Variants in GRM8 observed in about 807,000 individuals in gnomAD.
GRM8 encodes the protein glutamate metabotropic receptor 8.
Under a neutral mutation model 87.2 loss-of-function variants are expected in GRM8, and 47 were observed. The observed-to-expected ratio is 0.54, with a 90% CI of 0.43 to 0.69. The LOEUF is 0.69. GRM8 is among the 30% of genes least tolerant of loss of function. The pLI, the probability that GRM8 is intolerant of heterozygous loss-of-function variation, is 0.00. For missense variants in GRM8, 1,019 were observed against 1,139.2 expected (o/e 0.89, Z 1.52); for synonymous variants, 396 against 404.5 (o/e 0.98, Z 0.25).
intron 7 of GRM8, among the ~76,000 whole-genome samples, chr7:126,690,278 G>C (rs919026683): frequency 6.6e-6 from 1 of 152,246 alleles, no homozygotes; most frequent in African/African-American, 2.4e-5. Context: ...CAAGGGCAAG[G>C]CAGGCACGGA....
chr7:126,775,046 G>A (rs1819261935), intron 6 of GRM8, among the ~76,000 whole-genome samples: 1 of 152,030 alleles, frequency 6.6e-6, no homozygotes. Flanking sequence ...CATCCAATTG[G>A]TTGCCTTTTT....
intron 3 of GRM8, among the ~76,000 whole-genome samples, chr7:126,922,025 A>G (rs957105780): frequency 6.6e-6 from 1 of 152,078 alleles, no homozygotes; most frequent in African/African-American, 2.4e-5. Context: ...CTCCAGAAGA[A>G]TCTCCAAGAA....
intron 2 of GRM8, among the ~76,000 whole-genome samples, chr7:127,227,920 A>G (rs900540356): frequency 6.6e-6 from 1 of 152,244 alleles, no homozygotes; most frequent in South Asian, 2.1e-4. Context: ...CCCATCTGCC[A>G]TTCTAGCCAG....
intron 6 of GRM8, among the ~76,000 whole-genome samples, chr7:126,849,255 CTG>C (rs1796983728): frequency 6.6e-6 from 1 of 152,084 alleles, no homozygotes; most frequent in Non-Finnish European, 1.5e-5. Flanking sequence ...TTTTACTGGA[CTG>C]TTGGTCTAGT....
Position 127,087,609 on chromosome 7 carries a change from T to C in GRM8, c.727+18887A>G, listed in dbSNP as rs547734941. Among the ~76,000 whole-genome samples, 84 of 151,868 alleles carry C rather than the reference T, an allele frequency of 5.5e-4. 1 individual carries two copies. In the Middle Eastern group the frequency reaches 0.014, roughly 25 times the overall value. ...GCCAGGAACTATGGGAAGAGAAAAA[T>C]GGGGAGTTATTTAATCAATGGGCAA... On this transcript the variant is annotated intron_variant, in intron 3 of 10. Coordinates refer to ENST00000339582, the MANE Select transcript of GRM8 (RefSeq NM_000845.3).
intron 3 of GRM8, among the ~76,000 whole-genome samples, chr7:127,070,037 T>C (rs1223640888): frequency 6.6e-6 from 1 of 152,242 alleles, no homozygotes; most frequent in Non-Finnish European, 1.5e-5. Flanking sequence ...TCATCACGAT[T>C]TATTACCAAT....
At chr7:127,100,652 G>A (rs1210401680) in intron 3 of GRM8, among the ~76,000 whole-genome samples, 2 of 152,192 alleles carry the variant, frequency 1.3e-5, no homozygotes, top group Non-Finnish European at 2.9e-5. Flanking sequence ...AGGCAAGAAT[G>A]CTTGTGCAGG....
intron 7 of GRM8, among the ~76,000 whole-genome samples, chr7:126,753,915 A>C (rs1246084629): frequency 6.6e-6 from 1 of 151,884 alleles, no homozygotes; most frequent in Non-Finnish European, 1.5e-5. Context: ...TGTATTTGTG[A>C]TATCATTGCC....
At chr7:126,828,649 C>A (rs1795055741) in intron 6 of GRM8, among the ~76,000 whole-genome samples, 1 of 152,020 alleles carries the variant, frequency 6.6e-6, no homozygotes, top group Admixed American at 6.5e-5. Context: ...TTGATCCTTT[C>A]AAAAAACCAG....
intron 3 of GRM8, among the ~76,000 whole-genome samples, chr7:127,030,369 G>A (rs1315932990): frequency 6.6e-6 from 1 of 152,066 alleles, no homozygotes; most frequent in Admixed American, 6.6e-5. Flanking sequence ...TTCTTACCCA[G>A]TGCCTCTCAA....
At chr7:126,892,561 A>G in intron 6 of GRM8, among the ~76,000 whole-genome samples, 1 of 152,060 alleles carries the variant, frequency 6.6e-6, no homozygotes, top group Non-Finnish European at 1.5e-5. Context: ...GTTGGTTCCA[A>G]GTCTTTGCTA....
intron 7 of GRM8, among the ~76,000 whole-genome samples, chr7:126,752,242 A>G (rs1816506282): frequency 6.6e-6 from 1 of 152,110 alleles, no homozygotes. Context: ...GCAGTAGTGC[A>G]CTATAGTATG....
intron 9 of GRM8, among the ~76,000 whole-genome samples, chr7:126,532,746 G>A (rs1489106171): frequency 7.2e-6 from 1 of 139,424 alleles, no homozygotes; most frequent in Non-Finnish European, 1.5e-5. Flanking sequence ...TCAAAGCAAT[G>A]TGACCTTGAC....
intron 6 of GRM8, among the ~76,000 whole-genome samples, chr7:126,896,543 A>G (rs1801558245): frequency 6.6e-6 from 1 of 152,062 alleles, no homozygotes; most frequent in African/African-American, 2.4e-5. Context: ...GGGAGAGCTT[A>G]TACCTTTCAT....
intron 8 of GRM8, among the ~76,000 whole-genome samples, chr7:126,600,927 AG>A (rs1243649297): frequency 1.8e-5 from 2 of 114,220 alleles, no homozygotes; most frequent in Non-Finnish European, 4.1e-5. Flanking sequence ...TAAGAACTAG[AG>A]TGGCATTTTT....
At chr7:126,620,850 C>G (rs1385858209) in intron 7 of GRM8, among the ~76,000 whole-genome samples, 1 of 152,170 alleles carries the variant, frequency 6.6e-6, no homozygotes, top group Non-Finnish European at 1.5e-5. Context: ...AATGCATTCA[C>G]CTTTATGTGC....
intron 7 of GRM8, among the ~76,000 whole-genome samples, chr7:126,671,407 C>A (rs1806374097): frequency 6.6e-6 from 1 of 152,136 alleles, no homozygotes; most frequent in Non-Finnish European, 1.5e-5. Flanking sequence ...ATAACCAGGC[C>A]AAGTATAAGA....
chr7:126,855,258 A>C (rs1327599048), intron 6 of GRM8, among the ~76,000 whole-genome samples: 1 of 152,158 alleles, frequency 6.6e-6, no homozygotes, highest in Non-Finnish European at 1.5e-5. Context: ...CAGTTTGTGA[A>C]GAGGTGAGTG....
chr7:126,817,791 T>G (rs568459727), intron 6 of GRM8, among the ~76,000 whole-genome samples: 1 of 152,288 alleles, frequency 6.6e-6, no homozygotes, highest in African/African-American at 2.4e-5. Context: ...GAAAAAGAAT[T>G]AATTTCACTG....
Sources: gnomAD v4.1 joint callset for allele counts (sites outside exome capture counted in the v4.1 genomes callset) on GRCh38, gnomAD v4.1.1 for gene constraint, MANE v1.5 for transcripts, NCBI Gene and HGNC (gene_info 2026-07-23, HGNC 2026-07-21) for gene names.